ST3GAL3: variants seen among roughly 807,000 people sequenced by gnomAD.
The protein encoded by ST3GAL3 is ST3 beta-galactoside alpha-2,3-sialyltransferase 3.
ST3GAL3 carries 21 observed loss-of-function variants against 50.1 expected under a neutral mutation model. The observed-to-expected ratio is 0.42, with a 90% CI of 0.30 to 0.60. The LOEUF (loss-of-function observed/expected upper bound fraction) is 0.60. Ranked by LOEUF, ST3GAL3 falls within the 20% of genes least tolerant of loss-of-function variation. The pLI, the probability that ST3GAL3 is intolerant of heterozygous loss-of-function variation, is 0.19. For synonymous variants in ST3GAL3, 183 were observed against 190.0 expected (o/e 0.96, Z 0.30); for missense variants, 353 against 489.4 (o/e 0.72, Z 2.63).
At chr1:43,811,452 C>T (rs1438276257) in intron 3 of ST3GAL3, among the ~76,000 whole-genome samples, 1 of 152,028 alleles carries the variant, frequency 6.6e-6, no homozygotes, top group Non-Finnish European at 1.5e-5. Flanking sequence ...TCTGCGGTTC[C>T]CCCAGTATGG....
intron 2 of ST3GAL3, among the ~76,000 whole-genome samples, chr1:43,779,464 T>G (rs749896165): frequency 2.0e-5 from 3 of 152,230 alleles, no homozygotes; most frequent in Non-Finnish European, 4.4e-5. Context: ...TTATCACCAC[T>G]AGTTGACTTC....
At chr1:43,786,166 C>T (rs536512969) in intron 2 of ST3GAL3, among the ~76,000 whole-genome samples, 4 of 152,272 alleles carry the variant, frequency 2.6e-5, no homozygotes, top group Middle Eastern at 6.8e-3. Flanking sequence ...ACCTTTTACT[C>T]AGTTGCCAGA....
At position 43,756,743 on chromosome 1, in the gene ST3GAL3, G is replaced by A. The variant is rs868010185; in HGVS notation, c.118+20363G>A. Among the ~76,000 whole-genome samples the A allele has an allele frequency of 1.2e-4, 18 of 152,210 alleles. No homozygotes were observed. In the Middle Eastern group the frequency reaches 0.031, roughly 261 times the overall value. ...TACATTCCATGATGGTTAGAAGGAT[G>A]GCCCATCTAAGCACAAGGAGTAAGG... On this transcript the variant is annotated intron_variant, in intron 2 of 11. Transcript: ENST00000347631.
At chr1:43,821,338 G>A (rs980088381) in intron 4 of ST3GAL3, among the ~76,000 whole-genome samples, 1 of 152,078 alleles carries the variant, frequency 6.6e-6, no homozygotes, top group Admixed American at 6.5e-5. Context: ...GGGATCCCAA[G>A]GTCCATGAAG....
In ST3GAL3 at chr1:43,817,598, C is replaced by T. The variant is rs1379878424; in HGVS notation, c.209+2665C>T. ...TCTCCTTCTCCTCCTTCTCCTCCTCCCTTCTCCTTCTCCTCCTTCTCCTCC... is the reference window on the plus strand; with the variant it reads ...TCTCCTTCTCCTCCTTCTCCTCCTCTCTTCTCCTTCTCCTCCTTCTCCTCC... On this transcript the variant is annotated intron_variant, in intron 4 of 11. Coordinates refer to ENST00000347631, the MANE Select transcript of ST3GAL3 (RefSeq NM_006279.5). Among the ~76,000 whole-genome samples, 207 of 73,166 alleles carry T rather than the reference C, an allele frequency of 2.8e-3. 1 individual carries two copies. Among genetic ancestry groups the T allele is most frequent in the Non-Finnish European group, 5.1e-3 (170 of 33,588 alleles). 48.0% of individuals were successfully genotyped at this position (73,166 alleles called of 152,430 possible).
chr1:43,712,178 G>T (rs1665099365), intron 1 of ST3GAL3, among the ~76,000 whole-genome samples: 1 of 152,176 alleles, frequency 6.6e-6, no homozygotes. Flanking sequence ...CATGTAAAGT[G>T]CTTTGCAGAG....
intron 1 of ST3GAL3, among the ~76,000 whole-genome samples, chr1:43,708,535 C>G (rs1662770857): frequency 6.6e-6 from 1 of 152,146 alleles, no homozygotes; most frequent in Admixed American, 6.5e-5. Flanking sequence ...GTCCCCATGA[C>G]AAATTAGGTT....
At chr1:43,710,954 C>A (rs534329921) in intron 1 of ST3GAL3, among the ~76,000 whole-genome samples, 12 of 152,306 alleles carry the variant, frequency 7.9e-5, no homozygotes, top group South Asian at 2.1e-4. Context: ...CTTCATCATC[C>A]AACTTTGTAC....
chr1:43,859,704 G>C (rs751577811), intron 5 of ST3GAL3, among the ~76,000 whole-genome samples: 1 of 152,232 alleles, frequency 6.6e-6, no homozygotes, highest in Non-Finnish European at 1.5e-5. Context: ...CCCAAATGGA[G>C]CAAGTCCTCC....
At chr1:43,923,274 A>G (rs1314368165) in intron 11 of ST3GAL3, among the ~76,000 whole-genome samples, 1 of 151,894 alleles carries the variant, frequency 6.6e-6, no homozygotes, top group Non-Finnish European at 1.5e-5. Flanking sequence ...AAAAAAAAAA[A>G]AAAAAAAGCA....
At chr1:43,839,342 A>G (rs1212492762) in intron 5 of ST3GAL3, 1 of 152,154 alleles carries the variant, frequency 6.6e-6, no homozygotes, top group East Asian at 1.9e-4. Context: ...TCCTCCAGCT[A>G]TTTATTGAGT....
At chr1:43,917,466 A>C (rs1475658341) in intron 9 of ST3GAL3, among the ~76,000 whole-genome samples, 12 of 90,534 alleles carry the variant, frequency 1.3e-4, no homozygotes, top group African/African-American at 5.2e-4. Context: ...TAATATATAT[A>C]ATATATAATA....
intron 9 of ST3GAL3, among the ~76,000 whole-genome samples, chr1:43,908,924 G>A (rs920926111): frequency 3.3e-5 from 5 of 152,074 alleles, no homozygotes; most frequent in Non-Finnish European, 4.4e-5. Context: ...GAGCCACTGC[G>A]CCCGGCCCTT....
chr1:43,805,033 C>T (rs2059715935), intron 3 of ST3GAL3, among the ~76,000 whole-genome samples: 1 of 152,188 alleles, frequency 6.6e-6, no homozygotes, highest in African/African-American at 2.4e-5. Flanking sequence ...CAGAGGTGAG[C>T]CCTGCCCTTT....
At chr1:43,853,524 C>A (rs769931465) in intron 5 of ST3GAL3, among the ~76,000 whole-genome samples, 1 of 152,194 alleles carries the variant, frequency 6.6e-6, no homozygotes, top group African/African-American at 2.4e-5. Context: ...ATTTAACAAC[C>A]GCCTTCTACT....
At chr1:43,917,487 A>C (rs1301079240) in intron 9 of ST3GAL3, among the ~76,000 whole-genome samples, 8 of 72,804 alleles carry the variant, frequency 1.1e-4, no homozygotes, top group Non-Finnish European at 2.0e-4. Flanking sequence ...TATATAATAT[A>C]TAATATATAT....
intron 1 of ST3GAL3, among the ~76,000 whole-genome samples, chr1:43,729,152 T>G (rs1455561159): frequency 6.8e-6 from 1 of 147,796 alleles, no homozygotes; most frequent in Non-Finnish European, 1.5e-5. Flanking sequence ...TGCAGTGCCA[T>G]GATCTGGGCT....
chr1:43,864,011 G>A (rs970764159), intron 5 of ST3GAL3, among the ~76,000 whole-genome samples: 1 of 152,164 alleles, frequency 6.6e-6, no homozygotes, highest in Non-Finnish European at 1.5e-5. Context: ...GGGCGTGGTG[G>A]CTCATGCCTG....
chr1:43,785,045 C>T (rs1198940670), intron 2 of ST3GAL3, among the ~76,000 whole-genome samples: 1 of 152,042 alleles, frequency 6.6e-6, no homozygotes, highest in African/African-American at 2.4e-5. Flanking sequence ...TGTTTGTCCG[C>T]AGGAATCTCA....
Sources: gnomAD v4.1 joint callset for allele counts (sites outside exome capture counted in the v4.1 genomes callset) on GRCh38, gnomAD v4.1.1 for gene constraint, MANE v1.5 for transcripts, NCBI Gene and HGNC (gene_info 2026-07-23, HGNC 2026-07-21) for gene names.